SORCS2: variants seen among roughly 807,000 people sequenced by gnomAD.
The protein encoded by SORCS2 is sortilin related VPS10 domain containing receptor 2.
SORCS2 carries 100 observed loss-of-function variants against 141.6 expected under a neutral mutation model. That is an observed-to-expected ratio of 0.71 (90% CI 0.60 to 0.83). SORCS2 has a LOEUF of 0.83. Ranked by LOEUF, SORCS2 falls within the 40% of genes least tolerant of loss-of-function variation. The pLI is 0.00. For missense variants in SORCS2, 1,646 were observed against 1,560.2 expected (o/e 1.05, Z -0.93); for synonymous variants, 789 against 676.9 (o/e 1.17, Z -2.57).
At chr4:7,573,385 G>A (rs1358268981) in intron 3 of SORCS2, among the ~76,000 whole-genome samples, 1 of 152,230 alleles carries the variant, frequency 6.6e-6, no homozygotes, top group Non-Finnish European at 1.5e-5. Flanking sequence ...GGCAATGCAG[G>A]TAGACGGTGC....
At chr4:7,264,497 C>T (rs1405278896) in intron 1 of SORCS2, among the ~76,000 whole-genome samples, 2 of 152,030 alleles carry the variant, frequency 1.3e-5, no homozygotes, top group African/African-American at 4.8e-5. Flanking sequence ...CGAGTGTCTC[C>T]CGACCACCGG....
chr4:7,292,025 G>C (rs965218816), intron 1 of SORCS2, among the ~76,000 whole-genome samples: 3 of 152,190 alleles, frequency 2.0e-5, no homozygotes, highest in African/African-American at 7.2e-5. Flanking sequence ...TCTGGGGGAG[G>C]GTCCCTTGGG....
intron 4 of SORCS2, among the ~76,000 whole-genome samples, chr4:7,643,710 G>C (rs1367709659): frequency 1.3e-5 from 2 of 152,186 alleles, no homozygotes; most frequent in African/African-American, 4.8e-5. Flanking sequence ...CTTAAGTAAA[G>C]CAGTGTTTGC....
intron 14 of SORCS2, among the ~76,000 whole-genome samples, chr4:7,712,446 G>T (rs945755987): frequency 6.6e-6 from 1 of 152,244 alleles, no homozygotes; most frequent in African/African-American, 2.4e-5. Flanking sequence ...TGTCCATCAA[G>T]CGGGGCCACT....
intron 1 of SORCS2, among the ~76,000 whole-genome samples, chr4:7,219,170 C>CTGTGTGTGTGTGTG (rs57092836): frequency 0.018 from 2,760 of 150,716 alleles, 78 homozygotes; most frequent in African/African-American, 0.064. Flanking sequence ...TTTGTCTATG[C>CTGTGTGTGTGTGTG]TGTGTGTGTG....
At chr4:7,218,528 G>A (rs889300469) in intron 1 of SORCS2, among the ~76,000 whole-genome samples, 1 of 152,154 alleles carries the variant, frequency 6.6e-6, no homozygotes, top group Admixed American at 6.5e-5. Context: ...GAGATTAAAG[G>A]CATTTAAAAA....
At position 7,511,576 on chromosome 4, in the gene SORCS2, G is replaced by T. The variant is rs145745678; in HGVS notation, c.549-19954G>T. 7.2e-4 allele frequency among the ~76,000 whole-genome samples: 109 copies of T among 152,270 alleles called. 1 individual carries two copies. Among genetic ancestry groups the T allele is most frequent in the African/African-American group, 2.5e-3 (104 of 41,540 alleles). On this transcript the variant is annotated intron_variant, in intron 2 of 26. Transcript: ENST00000507866. ...CAGGGGTTGAAGAGAGAGTGAGCCT[G>T]GGGTGGGGGCAGAGAGATGGACGCT...
At chr4:7,372,405 T>G (rs1335163682) in intron 1 of SORCS2, among the ~76,000 whole-genome samples, 1 of 152,072 alleles carries the variant, frequency 6.6e-6, no homozygotes, top group African/African-American at 2.4e-5. Context: ...CCCCTGGGTT[T>G]AAGGGATTCT....
At chr4:7,232,128 G>A (rs1359447621) in intron 1 of SORCS2, among the ~76,000 whole-genome samples, 1 of 152,226 alleles carries the variant, frequency 6.6e-6, no homozygotes, top group African/African-American at 2.4e-5. Context: ...CATAGCTTGG[G>A]GCACAGCGTG....
rs139801810 is a variant in SORCS2 at position 7,345,876 on chromosome 4, C to T, written c.481-50412C>T. Among the ~76,000 whole-genome samples the T allele has an allele frequency of 7.9e-5, 12 of 152,314 alleles. No homozygotes were observed. In the East Asian group the frequency reaches 1.2e-3, roughly 15 times the overall value. ...CTCTCTTTTCTCTGAGTTTTCCCTCCGGTGGGTACCTGCCCTTAGAACACT... is the reference window on the plus strand; with the variant it reads ...CTCTCTTTTCTCTGAGTTTTCCCTCTGGTGGGTACCTGCCCTTAGAACACT... On this transcript the variant is annotated intron_variant, in intron 1 of 26. Transcript: ENST00000507866.
At chr4:7,282,176 G>A (rs1028106491) in intron 1 of SORCS2, among the ~76,000 whole-genome samples, 5 of 152,186 alleles carry the variant, frequency 3.3e-5, no homozygotes, top group Admixed American at 6.5e-5. Flanking sequence ...CATTACAGAT[G>A]GGAAGATCCT....
chr4:7,272,722 C>A (rs1311080489), intron 1 of SORCS2, among the ~76,000 whole-genome samples: 1 of 152,244 alleles, frequency 6.6e-6, no homozygotes, highest in Non-Finnish European at 1.5e-5. Flanking sequence ...TGCGAAGGAA[C>A]AATACCATCC....
chr4:7,342,423 TA>T (rs1720418524), intron 1 of SORCS2, among the ~76,000 whole-genome samples: 2 of 152,252 alleles, frequency 1.3e-5, no homozygotes, highest in African/African-American at 2.4e-5. Flanking sequence ...ATTTGGCATT[TA>T]GCCTTGCAGA....
At chr4:7,226,837 C>T (rs765285480) in intron 1 of SORCS2, among the ~76,000 whole-genome samples, 3 of 152,220 alleles carry the variant, frequency 2.0e-5, no homozygotes, top group Admixed American at 6.5e-5. Flanking sequence ...AGCACCAGGG[C>T]GTGGCCTGTT....
rs552103008 is a variant in SORCS2 at position 7,264,605 on chromosome 4, G to A, written c.480+71479G>A. On this transcript the variant is annotated intron_variant, in intron 1 of 26. Transcript: ENST00000507866. ...GTGATGTCCTTCTCGGGAAGGTGCT[G>A]TGTGGCCCGTTTAATTGAGGGTGCT... Among the ~76,000 whole-genome samples the A allele has an allele frequency of 3.0e-4, 46 of 152,366 alleles. 1 individual carries two copies. The highest frequency in any genetic ancestry group is 1.8e-3 in the Admixed American group (28 of 15,314).
chr4:7,291,751 C>T (rs1446012534), intron 1 of SORCS2, among the ~76,000 whole-genome samples: 2 of 152,166 alleles, frequency 1.3e-5, no homozygotes. Context: ...CTCATCTATC[C>T]CTCCCTGCTC....
In SORCS2 at chr4:7,479,337, G is replaced by A. The variant is rs565838433; in HGVS notation, c.549-52193G>A. Among the ~76,000 whole-genome samples the A allele has an allele frequency of 4.8e-4, 72 of 151,046 alleles. No homozygotes were observed. In the South Asian group the frequency reaches 0.013, roughly 27 times the overall value. On this transcript the variant is annotated intron_variant, in intron 2 of 26. Coordinates refer to ENST00000507866, the MANE Select transcript of SORCS2 (RefSeq NM_020777.3). Reference sequence around the variant, plus strand: ...CAGTGTGGCTCACTCTCCACGTGCCGCCCTGAGCCTCCAGCCCTCCCTCCA... The same window carrying A: ...CAGTGTGGCTCACTCTCCACGTGCCACCCTGAGCCTCCAGCCCTCCCTCCA...
At chr4:7,479,218 G>T (rs1489652939) in intron 2 of SORCS2, among the ~76,000 whole-genome samples, 1 of 151,854 alleles carries the variant, frequency 6.6e-6, no homozygotes, top group East Asian at 1.9e-4. Flanking sequence ...CTGGGCGAGG[G>T]TATGTGACCG....
chr4:7,590,795 G>A (rs1403193068), intron 3 of SORCS2, among the ~76,000 whole-genome samples: 1 of 152,236 alleles, frequency 6.6e-6, no homozygotes, highest in Non-Finnish European at 1.5e-5. Flanking sequence ...AGCCCAGTAA[G>A]ACTGATGTGA....
Sources: allele counts gnomAD v4.1 joint callset (sites outside exome capture counted in the v4.1 genomes callset), GRCh38; gene constraint gnomAD v4.1.1; transcripts MANE v1.5; gene names NCBI Gene and HGNC (gene_info 2026-07-23, HGNC 2026-07-21).